The following ENDOU variants were observed in gnomAD, a reference collection of about 807,000 sequenced individuals.
The protein encoded by ENDOU is uridylate-specific endoribonuclease.
Under a neutral mutation model 54.2 loss-of-function variants are expected in ENDOU, and 49 were observed. The ratio of observed to expected loss-of-function variants is 0.90; its 90% confidence interval spans 0.72 to 1.15. The LOEUF is 1.15. Among genes scored for constraint, ENDOU ranks in the 50% most tolerant of loss-of-function variants. The probability of loss-of-function intolerance (pLI) is 0.00; values close to 1 mark genes in which losing one functional copy is unlikely to be tolerated. For missense variants in ENDOU, 458 were observed against 511.4 expected (o/e 0.90, Z 1.01); for synonymous variants, 172 against 190.5 (o/e 0.90, Z 0.80).
intron 9 of ENDOU, 57 bp from the exon 10 acceptor site, chr12:47,710,976 G>C: frequency 8.3e-7 from 1 of 1,203,176 alleles, no homozygotes; most frequent in Non-Finnish European, 1.2e-6. Context: ...GCCTCTCCCT[G>C]GGCTGGAAGG....
At chr12:47,720,461 ATT>A in intron 2 of ENDOU, 1 of 272,328 alleles carries the variant, frequency 3.7e-6, no homozygotes, top group Non-Finnish European at 6.9e-6. Flanking sequence ...TATTTTTATC[ATT>A]TTACCCTTTT....
chr12:47,711,058 C>T, intron 9 of ENDOU, 139 bp from the exon 10 acceptor site: 1 of 505,196 alleles, frequency 2.0e-6, no homozygotes, highest in Non-Finnish European at 3.6e-6. Flanking sequence ...GCACTGCTTT[C>T]TTCAGCAGCT....
rs141554370 is a variant in ENDOU, at chr12:47,711,761, G to A, written c.987C>T (p.Pro329=). ...AGTTGAACTGCATTGCCAGCACATC[G>A]GGGTAAGAATCCCACTGTGGAGGGA... ...HIYDGPWDSY[P]DVLAMQFNWD... Residue 329 remains proline (P), a synonymous_variant, in exon 9 of 10, where the codon CCC becomes CCT. Transcript: ENST00000422538. 3.2e-4 allele frequency: 521 copies of A among 1,614,134 alleles called. 1 individual carries two copies. The highest frequency in any genetic ancestry group is 4.1e-4 in the Non-Finnish European group (487 of 1,180,024).
rs937613661 is a variant in ENDOU, at chr12:47,710,857, G to A, written c.1178C>T (p.Thr393Ile). The change falls in exon 10 of 10, where the codon ACC (threonine) becomes ATC (isoleucine). Residue 393 changes from threonine to isoleucine, a missense_variant. Coordinates refer to ENST00000422538, the MANE Select transcript of ENDOU (RefSeq NM_001172439.2). Reference protein sequence around the residue: ...AVRTYTWDKSTYGNGKKYIAT... With the variant: ...AVRTYTWDKSIYGNGKKYIAT... ...GATGTACTTCTTGCCATTCCCATAG[G>A]TGGACTTGTCCCAGGTATATGTCCG... The A allele has an allele frequency of 6.2e-6, 10 of 1,614,056 alleles. No individual in the cohort carries two copies. In the African/African-American group the frequency reaches 9.3e-5, roughly 15 times the overall value.
At chr12:47,722,013 G>T (rs1046710032) in intron 1 of ENDOU, among the ~76,000 whole-genome samples, 1 of 152,216 alleles carries the variant, frequency 6.6e-6, no homozygotes, top group Non-Finnish European at 1.5e-5. Flanking sequence ...AGTTAAATTA[G>T]TTGATAAATT....
intron 7 of ENDOU, 64 bp downstream of exon 7, chr12:47,713,211 C>T: frequency 8.5e-7 from 1 of 1,169,920 alleles, no homozygotes; most frequent in East Asian, 2.3e-5. Context: ...GGCTGCCCTG[C>T]TCCTGAGCAA....
rs1592499311 is a variant in ENDOU at position 47,711,660 on chromosome 12, A to G, written c.1088T>C (p.Leu363Pro). The G allele has an allele frequency of 6.2e-7, 1 of 1,613,958 alleles. No homozygotes were observed. Reference protein sequence around the residue: ...SPEFEFALYSLCFIARPGKVC... With the variant: ...SPEFEFALYSPCFIARPGKVC... ...TTTGCCTGGCCTGGCGATGAAGCAC[A>G]GGGAGTAGAGTGCAAACTCAAACTC... The change falls in exon 9 of 10, where the codon CTG (leucine) becomes CCG (proline). Residue 363 changes from leucine (L) to proline (P), a missense_variant. Transcript: ENST00000422538.
intron 2 of ENDOU, 81 bp downstream of exon 2, chr12:47,720,672 C>T (rs1940400778): frequency 4.1e-6 from 6 of 1,464,672 alleles, no homozygotes; most frequent in Admixed American, 2.1e-5. Context: ...GAGTCCTGAA[C>T]GCTGCTCTGG....
intron 6 of ENDOU, among the ~76,000 whole-genome samples, chr12:47,714,645 G>T (rs535383372): frequency 4.6e-5 from 7 of 152,226 alleles, no homozygotes; most frequent in Non-Finnish European, 7.3e-5. Flanking sequence ...CTGAGCAACC[G>T]GATGGGTTAT....
chr12:47,717,514 TA>T lies in ENDOU; in HGVS notation c.382+3del. The T allele has an allele frequency of 6.2e-7, 1 of 1,613,986 alleles. No homozygotes were observed. The highest frequency in any genetic ancestry group is 1.7e-5 in the Admixed American group (1 of 60,016). On this transcript the variant is annotated splice_donor_region_variant and intron_variant, in intron 4 of 9. Transcript: ENST00000422538. Reference sequence around the variant, plus strand: ...CAGCTTAGCTAAGGGAGCAGAAGACTAACCGTGGTCACTACACAGGCTCTCA... The same window carrying T: ...CAGCTTAGCTAAGGGAGCAGAAGACTACCGTGGTCACTACACAGGCTCTCA...
At position 47,717,622 on chromosome 12, in the gene ENDOU, C is replaced by T. The variant is rs141369443; in HGVS notation, c.278G>A (p.Arg93His). Reference protein sequence around the residue: ...LYSAPTSCQGRCYEAFDKHHQ... With the variant: ...LYSAPTSCQGHCYEAFDKHHQ... ...GTGCTTGTCAAAGGCTTCGTAGCAG[C>T]GGCCCTGGCAGGAGGTGGGTGCCGA... The change falls in exon 4 of 10, where the codon CGC becomes CAC. Residue 93 changes from arginine to histidine, a missense_variant. Arg to His is a conservative substitution (Grantham distance 29, BLOSUM62 0). Coordinates refer to ENST00000422538, the MANE Select transcript of ENDOU (RefSeq NM_001172439.2). 4,351 of 1,614,114 alleles carry T rather than the reference C, an allele frequency of 2.7e-3. 15 individuals carry two copies. The highest frequency in any genetic ancestry group is 3.2e-3 in the Non-Finnish European group (3,719 of 1,180,014).
At chr12:47,716,813 T>A (rs1353349575) in intron 5 of ENDOU, 77 bp downstream of exon 5, 1 of 1,471,204 alleles carries the variant, frequency 6.8e-7, no homozygotes, top group African/African-American at 1.4e-5. Flanking sequence ...GACTTGAGGA[T>A]AAAAAGTCGA....
intron 1 of ENDOU, among the ~76,000 whole-genome samples, chr12:47,723,215 T>C (rs1409360097): frequency 1.3e-5 from 2 of 152,170 alleles, no homozygotes; most frequent in African/African-American, 4.8e-5. Context: ...AAGAACTTTG[T>C]CTCCAGCAAG....
chr12:47,725,329 C>T, intron 1 of ENDOU, 30 bp downstream of exon 1: 2 of 1,613,466 alleles, frequency 1.2e-6, no homozygotes, highest in Non-Finnish European at 1.7e-6. Flanking sequence ...GCCCCACCAG[C>T]AATCCCATGC....
At chr12:47,724,843 A>G (rs142785131) in intron 1 of ENDOU, among the ~76,000 whole-genome samples, 110 of 152,296 alleles carry the variant, frequency 7.2e-4, no homozygotes, top group African/African-American at 2.6e-3. Flanking sequence ...AGCCCCAGAT[A>G]GGACGAGGCC....
Position 47,717,073 on chromosome 12 carries a change from A to T in ENDOU, c.383-15T>A. The T allele has an allele frequency of 6.2e-7, 1 of 1,613,312 alleles. No individual in the cohort carries two copies. On this transcript the variant is annotated splice_polypyrimidine_tract_variant and intron_variant, in intron 4 of 9. Coordinates refer to ENST00000422538, the MANE Select transcript of ENDOU (RefSeq NM_001172439.2). Reference sequence around the variant, plus strand: ...GTGGGAGACCTCTGGGAGGAATTGGAAGAGGGGTGGCCTCAGAGCCAGAGG... The same window carrying T: ...GTGGGAGACCTCTGGGAGGAATTGGTAGAGGGGTGGCCTCAGAGCCAGAGG...
intron 1 of ENDOU, among the ~76,000 whole-genome samples, chr12:47,724,423 C>T (rs919100514): frequency 3.9e-5 from 6 of 152,164 alleles, no homozygotes; most frequent in African/African-American, 1.4e-4. Flanking sequence ...TGGAAATGAC[C>T]CCAAGCGGAA....
intron 6 of ENDOU, among the ~76,000 whole-genome samples, chr12:47,713,626 T>C (rs1940119479): frequency 6.6e-6 from 1 of 151,698 alleles, no homozygotes; most frequent in Non-Finnish European, 1.5e-5. Context: ...CTATCTATAT[T>C]ACATTCCACT....
At chr12:47,712,417 C>T in intron 8 of ENDOU, 99 bp downstream of exon 8, 1 of 885,006 alleles carries the variant, frequency 1.1e-6, no homozygotes, top group Non-Finnish European at 1.8e-6. Context: ...TGGGGCTGCC[C>T]CCTGAGAGTC....
Sources: gnomAD v4.1 joint callset for allele counts (sites outside exome capture counted in the v4.1 genomes callset) on GRCh38, gnomAD v4.1.1 for gene constraint, MANE v1.5 for transcripts, NCBI Gene and HGNC (gene_info 2026-07-23, HGNC 2026-07-21) for gene names.